Variants in GRID1 observed in about 807,000 individuals in gnomAD.
GRID1 encodes the protein glutamate ionotropic receptor delta type subunit 1.
A neutral mutation model predicts 98.0 loss-of-function variants in GRID1; 28 were observed. That is an observed-to-expected ratio of 0.29 (90% CI 0.21 to 0.39). The LOEUF (loss-of-function observed/expected upper bound fraction) is 0.39. Among genes scored for constraint, GRID1 ranks in the 10% least tolerant of loss-of-function variants. GRID1 has a pLI of 1.00. For missense variants in GRID1, 1,111 were observed against 1,340.5 expected, an observed-to-expected ratio of 0.83 and a Z score of 2.67; for synonymous variants, 553 against 538.5, an observed-to-expected ratio of 1.03 and a Z score of -0.37.
At chr10:86,114,657 C>T (rs769421472) in intron 4 of GRID1, among the ~76,000 whole-genome samples, 1 of 152,186 alleles carries the variant, frequency 6.6e-6, no homozygotes, top group Non-Finnish European at 1.5e-5. Flanking sequence ...GTCTTTCCCT[C>T]TCCCCTGTCT....
intron 12 of GRID1, among the ~76,000 whole-genome samples, chr10:85,652,981 C>T (rs768652255): frequency 9.2e-5 from 14 of 152,298 alleles, no homozygotes; most frequent in Non-Finnish European, 1.8e-4. Context: ...ATGACAACAG[C>T]AACAATACAA....
At chr10:85,984,531 C>T (rs1013366147) in intron 4 of GRID1, among the ~76,000 whole-genome samples, 5 of 152,132 alleles carry the variant, frequency 3.3e-5, no homozygotes, top group African/African-American at 1.2e-4. Flanking sequence ...GGGCCTGTGT[C>T]CAGGACCTGG....
At chr10:85,673,377 A>T (rs1302863863) in intron 12 of GRID1, among the ~76,000 whole-genome samples, 1 of 152,244 alleles carries the variant, frequency 6.6e-6, no homozygotes, top group Non-Finnish European at 1.5e-5. Context: ...GTGTGACTCC[A>T]ACGTTCACAG....
At chr10:85,987,394 C>T (rs1842621679) in intron 4 of GRID1, among the ~76,000 whole-genome samples, 1 of 136,462 alleles carries the variant, frequency 7.3e-6, no homozygotes, top group East Asian at 2.4e-4. Context: ...TACCTTCCCC[C>T]TAGCTATATC....
At chr10:86,302,046 A>G (rs2814320) in intron 2 of GRID1, among the ~76,000 whole-genome samples, 32,668 of 152,162 alleles carry the variant, frequency 0.21, 5,803 homozygotes, top group African/African-American at 0.48. Context: ...CCTGGCTCCC[A>G]GCCCGCCACC....
intron 3 of GRID1, among the ~76,000 whole-genome samples, chr10:86,181,572 G>T (rs1845655895): frequency 6.6e-6 from 1 of 152,200 alleles, no homozygotes; most frequent in South Asian, 2.1e-4. Flanking sequence ...CACCTGAGGG[G>T]TGAACTAGAG....
chr10:85,790,139 C>T (rs1192970859), intron 8 of GRID1, among the ~76,000 whole-genome samples: 1 of 152,206 alleles, frequency 6.6e-6, no homozygotes, highest in Non-Finnish European at 1.5e-5. Flanking sequence ...CCTATCACAG[C>T]GCTCCAGCAT....
At chr10:86,249,673 T>C (rs1021947173) in intron 2 of GRID1, among the ~76,000 whole-genome samples, 2 of 152,020 alleles carry the variant, frequency 1.3e-5, no homozygotes, top group South Asian at 4.2e-4. Flanking sequence ...GCCCAGGCAG[T>C]CCCTTCTTCC....
intron 12 of GRID1, among the ~76,000 whole-genome samples, chr10:85,700,015 CT>C (rs1277686061): frequency 2.0e-5 from 3 of 152,170 alleles, no homozygotes; most frequent in East Asian, 3.8e-4. Flanking sequence ...CAAAATGGAG[CT>C]GCCTACTTCC....
chr10:86,265,960 A>G (rs941995935), intron 2 of GRID1, among the ~76,000 whole-genome samples: 4 of 151,960 alleles, frequency 2.6e-5, no homozygotes, highest in African/African-American at 9.7e-5. Context: ...ACCCATGCCC[A>G]CCATTCACCT....
intron 2 of GRID1, among the ~76,000 whole-genome samples, chr10:86,232,936 T>C (rs922093138): frequency 1.3e-5 from 2 of 152,148 alleles, no homozygotes; most frequent in Non-Finnish European, 2.9e-5. Flanking sequence ...TTTATGTGGC[T>C]CCTCTAATAA....
In GRID1 at chr10:85,829,634, G is replaced by A. The variant is rs377234228; in HGVS notation, c.1233+24862C>T. ...ATACAAAATCAATACACAAAAATCC[G>A]TAGCATTTCTATACAACAACAATGT... On this transcript the variant is annotated intron_variant, in intron 8 of 15. Transcript: ENST00000327946. 7.2e-5 allele frequency among the ~76,000 whole-genome samples: 11 copies of A among 152,010 alleles called. No individual in the cohort carries two copies. The East Asian group carries it at 7.7e-4, about 11-fold the overall frequency.
chr10:85,677,636 C>A (rs867011234), intron 12 of GRID1, among the ~76,000 whole-genome samples: 1 of 152,136 alleles, frequency 6.6e-6, no homozygotes, highest in African/African-American at 2.4e-5. Context: ...GATTTTCAGC[C>A]CACCAAGGTT....
At chr10:85,738,035 T>C (rs762927520) in intron 8 of GRID1, among the ~76,000 whole-genome samples, 44 of 151,908 alleles carry the variant, frequency 2.9e-4, no homozygotes, top group Non-Finnish European at 6.0e-4. Flanking sequence ...GGCCCTAGAC[T>C]CAAGGGAGGC....
chr10:85,867,893 C>T (rs911441008), intron 6 of GRID1, among the ~76,000 whole-genome samples: 1 of 152,254 alleles, frequency 6.6e-6, no homozygotes, highest in Non-Finnish European at 1.5e-5. Flanking sequence ...AGGCATGTTT[C>T]CTTTTTCTCT....
chr10:85,706,622 A>G (rs1446858831), intron 12 of GRID1, among the ~76,000 whole-genome samples: 1 of 152,186 alleles, frequency 6.6e-6, no homozygotes, highest in Non-Finnish European at 1.5e-5. Context: ...TTTAAAGTTC[A>G]TATGGAACCA....
At chr10:85,634,998 GAAAAAAAAAAAAAAAAAAAAA>G (rs140144576) in intron 13 of GRID1, among the ~76,000 whole-genome samples, 6 of 35,008 alleles carry the variant, frequency 1.7e-4, no homozygotes, top group Admixed American at 5.1e-4. Context: ...GAGGAAATCT[GAAAAAAAAAAAAAAAAAAAAA>G]AAAAAAAAAA....
chr10:85,729,828 T>C (rs1424200436), intron 8 of GRID1, among the ~76,000 whole-genome samples: 2 of 152,252 alleles, frequency 1.3e-5, no homozygotes, highest in Non-Finnish European at 2.9e-5. Context: ...TGGATCTCTA[T>C]AGAGCTCAGC....
chr10:86,103,016 A>T (rs1009214273), intron 4 of GRID1, among the ~76,000 whole-genome samples: 1 of 151,116 alleles, frequency 6.6e-6, no homozygotes, highest in Non-Finnish European at 1.5e-5. Context: ...CTGCTCCTTC[A>T]CCTTCTGCCA....
Sources: allele counts gnomAD v4.1 joint callset (sites outside exome capture counted in the v4.1 genomes callset), GRCh38; gene constraint gnomAD v4.1.1; transcripts MANE v1.5; gene names NCBI Gene and HGNC (gene_info 2026-07-23, HGNC 2026-07-21).